Variants in CYP4X1 observed in about 807,000 individuals in gnomAD.
CYP4X1 encodes the protein cytochrome P450 4X1.
A neutral mutation model predicts 57.9 loss-of-function variants in CYP4X1; 44 were observed. That is an observed-to-expected ratio of 0.76 (90% confidence interval 0.60 to 0.98). CYP4X1 has a LOEUF of 0.98. Ranked by LOEUF, CYP4X1 falls within the 50% of genes least tolerant of loss-of-function variation. CYP4X1 has a pLI of 0.00. For synonymous variants in CYP4X1, 227 were observed against 228.6 expected (o/e 0.99, Z 0.06); for missense variants, 532 against 623.9 (o/e 0.85, Z 1.57).
At chr1:47,008,893 C>T in the CYP4X1 span, among the ~76,000 whole-genome samples, 1 of 152,180 alleles carries the variant, frequency 6.6e-6, no homozygotes, top group South Asian at 2.1e-4. Context: ...TATATGCACT[C>T]AATACAGGAG....
chr1:46,967,874 G>A, the CYP4X1 span: 1 of 988,982 alleles, frequency 1.0e-6, no homozygotes, highest in African/African-American at 1.7e-5. Flanking sequence ...CAGGTCCTGA[G>A]CCAGGCAGAC....
the CYP4X1 span, among the ~76,000 whole-genome samples, chr1:46,993,911 C>T: frequency 1.3e-5 from 2 of 152,178 alleles, no homozygotes; most frequent in African/African-American, 2.4e-5. Flanking sequence ...GTTTCTTTTG[C>T]TGTGCAGAAG....
chr1:46,990,908 G>A, the CYP4X1 span, among the ~76,000 whole-genome samples: 1 of 151,998 alleles, frequency 6.6e-6, no homozygotes, highest in South Asian at 2.1e-4. Context: ...TGGGGGCGGG[G>A]GGTTAGGAGA....
chr1:46,965,754 G>A, the CYP4X1 span, among the ~76,000 whole-genome samples: 1 of 152,172 alleles, frequency 6.6e-6, no homozygotes, highest in Admixed American at 6.5e-5. Context: ...TTGCAGCAGG[G>A]GTCCTTCCTC....
chr1:47,035,845 G>A lies in CYP4X1; in HGVS notation c.532G>A (p.Val178Met), dbSNP rs370678560. 1.6e-5 allele frequency: 26 copies of A among 1,613,482 alleles called. No individual in the cohort carries two copies. The highest frequency in any genetic ancestry group is 2.2e-5 in the South Asian group (2 of 91,012). ...GATTTGCAGCACTCAGGACACAAGCGTGGAGGTCTATGAGCACATCAACTC... is the reference window on the plus strand; with the variant it reads ...GATTTGCAGCACTCAGGACACAAGCATGGAGGTCTATGAGCACATCAACTC... ...EKICSTQDTS[V>M]EVYEHINSMS... Residue 178 changes from valine (V) to methionine (M), a missense_variant, in exon 5 of 12, where the codon GTG becomes ATG. By Grantham distance (21) the Val-to-Met change is conservative. Transcript: ENST00000371901.
the CYP4X1 span, among the ~76,000 whole-genome samples, chr1:46,963,835 G>A: frequency 2.0e-5 from 3 of 152,236 alleles, no homozygotes; most frequent in African/African-American, 7.2e-5. Context: ...ATCCTGAAGA[G>A]TGTTTTCCAA....
chr1:46,982,616 C>T, the CYP4X1 span, among the ~76,000 whole-genome samples: 4 of 152,166 alleles, frequency 2.6e-5, no homozygotes, highest in South Asian at 6.2e-4. Context: ...CTTGATTTCA[C>T]AGGGAGTTAT....
chr1:46,983,842 G>A, the CYP4X1 span, among the ~76,000 whole-genome samples: 2 of 152,158 alleles, frequency 1.3e-5, no homozygotes, highest in African/African-American at 4.8e-5. Flanking sequence ...GTGGTGGGGA[G>A]TGGGGTGGCT....
chr1:47,006,927 T>C, the CYP4X1 span, among the ~76,000 whole-genome samples: 3,276 of 152,252 alleles, frequency 0.022, 78 homozygotes, highest in African/African-American at 0.057. Context: ...ACAAAGCGGC[T>C]GGGAAGCTCA....
At chr1:47,034,338 G>A (rs371182047) in intron 4 of CYP4X1, among the ~76,000 whole-genome samples, 13 of 152,170 alleles carry the variant, frequency 8.5e-5, no homozygotes, top group African/African-American at 2.9e-4. Flanking sequence ...CAAAGGGGCT[G>A]AAGAACATTC....
Position 47,039,482 on chromosome 1 carries a change from A to T in CYP4X1, c.1023A>T (p.Arg341Ser). 3.1e-6 allele frequency: 5 copies of T among 1,613,244 alleles called. No individual in the cohort carries two copies. The highest frequency in any genetic ancestry group is 3.4e-6 in the Non-Finnish European group (4 of 1,179,630). The change falls in exon 8 of 12, where the codon AGA (arginine) becomes AGT (serine). Residue 341 changes from arginine (R) to serine (S), a missense_variant. By Grantham distance (110) the Arg-to-Ser change is moderately radical. Coordinates refer to ENST00000371901, the MANE Select transcript of CYP4X1 (RefSeq NM_178033.2). ...CLALNPEHQE[R>S]CREEVRGILG... ...CTCTGAACCCTGAGCATCAAGAGAGATGCCGGGAGGAGGTCAGGGGCATCC... is the reference window on the plus strand; with the variant it reads ...CTCTGAACCCTGAGCATCAAGAGAGTTGCCGGGAGGAGGTCAGGGGCATCC...
rs1644201149 is a variant in CYP4X1 at position 47,037,760 on chromosome 1, A to G, written c.776-900A>G. Among the ~76,000 whole-genome samples the G allele has an allele frequency of 3.9e-5, 6 of 152,248 alleles. No individual in the cohort carries two copies. In the South Asian group the frequency reaches 1.0e-3, roughly 26 times the overall value. On this transcript the variant is annotated intron_variant, in intron 6 of 11. Coordinates refer to ENST00000371901, the MANE Select transcript of CYP4X1 (RefSeq NM_178033.2). ...CTGTACCCAGGTTGTAGAGAAAATT[A>G]TTTATGTTTTCTTGTAGTACTTGTA... is the stretch of plus-strand genomic sequence containing the variant.
At chr1:46,966,390 C>T in the CYP4X1 span, among the ~76,000 whole-genome samples, 9 of 152,096 alleles carry the variant, frequency 5.9e-5, no homozygotes, top group African/African-American at 2.2e-4. Flanking sequence ...GTGTATCTGA[C>T]CCAAGGCCCT....
At position 47,024,583 on chromosome 1, in the gene CYP4X1, A is replaced by G. The variant is rs186881357; in HGVS notation, c.177+589A>G. On this transcript the variant is annotated intron_variant, in intron 1 of 11. Transcript: ENST00000371901. ...CCTAATTAAGGTTTTTATTCATTCA[A>G]CCGACTCTGAGTGGCAATTGTGTGA... is the stretch of plus-strand genomic sequence containing the variant. Among the ~76,000 whole-genome samples, 17 of 152,216 alleles carry G rather than the reference A, an allele frequency of 1.1e-4. No homozygotes were observed. In the East Asian group the frequency reaches 3.1e-3, roughly 28 times the overall value.
chr1:47,001,350 G>C, the CYP4X1 span, among the ~76,000 whole-genome samples: 1 of 152,232 alleles, frequency 6.6e-6, no homozygotes, highest in Non-Finnish European at 1.5e-5. Flanking sequence ...GATGGATAAA[G>C]AGTTAATCAA....
the CYP4X1 span, among the ~76,000 whole-genome samples, chr1:47,015,978 C>G: frequency 6.6e-6 from 1 of 152,110 alleles, no homozygotes. Flanking sequence ...TTTTACTCAT[C>G]TTCTATTTAT....
chr1:46,998,964 G>C, the CYP4X1 span, among the ~76,000 whole-genome samples: 1 of 150,670 alleles, frequency 6.6e-6, no homozygotes, highest in Non-Finnish European at 1.5e-5. Context: ...TGTTGATTTG[G>C]TTACTATAGC....
chr1:47,043,461 A>ATCTTTTT (rs1328238451), intron 8 of CYP4X1, among the ~76,000 whole-genome samples: 6 of 152,202 alleles, frequency 3.9e-5, no homozygotes, highest in African/African-American at 1.4e-4. Flanking sequence ...TAGTTTAATT[A>ATCTTTTT]AGTCCCACCT....
chr1:47,008,624 CT>C, the CYP4X1 span, among the ~76,000 whole-genome samples: 3 of 152,110 alleles, frequency 2.0e-5, no homozygotes, highest in African/African-American at 7.2e-5. Flanking sequence ...AAGACACAGA[CT>C]GGCAAATTGG....
Sources: allele counts gnomAD v4.1 joint callset (sites outside exome capture counted in the v4.1 genomes callset), GRCh38; gene constraint gnomAD v4.1.1; transcripts MANE v1.5; gene names NCBI Gene and HGNC (gene_info 2026-07-23, HGNC 2026-07-21).